Variants in CAMTA1 observed in about 807,000 individuals in gnomAD.
CAMTA1 encodes the protein calmodulin-binding transcription activator 1.
In CAMTA1, 27 loss-of-function variants were observed where a neutral mutation model predicts 170.9. That is an observed-to-expected ratio of 0.16 (90% CI 0.12 to 0.22). The LOEUF (loss-of-function observed/expected upper bound fraction) is 0.22. Among genes scored for constraint, CAMTA1 ranks in the 10% least tolerant of loss-of-function variants. The pLI is 1.00. For missense variants in CAMTA1, 1,619 were observed against 2,217.2 expected (o/e 0.73, Z 5.42); for synonymous variants, 833 against 891.5 (o/e 0.93, Z 1.17).
intron 3 of CAMTA1, among the ~76,000 whole-genome samples, chr1:6,990,389 C>T (rs1172331178): frequency 1.3e-5 from 2 of 152,118 alleles, no homozygotes; most frequent in East Asian, 1.9e-4. Context: ...GCTATATTTG[C>T]TTTATCCCAT....
chr1:7,520,923 C>G (rs1042084424), intron 6 of CAMTA1, among the ~76,000 whole-genome samples: 1 of 149,900 alleles, frequency 6.7e-6, no homozygotes, highest in African/African-American at 2.5e-5. Flanking sequence ...CACAAACACA[C>G]ACATGCACCC....
At chr1:7,756,775 G>A (rs1010260935) in intron 22 of CAMTA1, among the ~76,000 whole-genome samples, 1 of 152,174 alleles carries the variant, frequency 6.6e-6, no homozygotes, top group East Asian at 1.9e-4. Flanking sequence ...GTAAGCCTGG[G>A]AGGTTGAGGC....
chr1:7,395,240 T>G (rs546240443), intron 5 of CAMTA1, among the ~76,000 whole-genome samples: 15 of 152,284 alleles, frequency 9.9e-5, no homozygotes, highest in Admixed American at 4.6e-4. Flanking sequence ...ATCCATTTTG[T>G]TTTTTTGTAT....
chr1:7,046,973 G>A (rs1705483697), intron 3 of CAMTA1, among the ~76,000 whole-genome samples: 1 of 152,184 alleles, frequency 6.6e-6, no homozygotes, highest in Admixed American at 6.5e-5. Context: ...GCCCATGGTG[G>A]AACTCTTCCT....
intron 6 of CAMTA1, among the ~76,000 whole-genome samples, chr1:7,552,913 C>T (rs2094822506): frequency 6.6e-6 from 1 of 152,224 alleles, no homozygotes; most frequent in Admixed American, 6.5e-5. Flanking sequence ...CTCTCCTGCC[C>T]TGTCCATGTT....
At chr1:7,123,409 C>T (rs185775172) in intron 4 of CAMTA1, among the ~76,000 whole-genome samples, 3 of 152,174 alleles carry the variant, frequency 2.0e-5, no homozygotes, top group East Asian at 1.9e-4. Context: ...CTTGATCATC[C>T]GCGAAGACCC....
chr1:7,737,477 A>G lies in CAMTA1; in HGVS notation c.3565A>G (p.Ser1189Gly), dbSNP rs758033807. Reference sequence around the variant, plus strand: ...CCACTGTCCTGCAAGCGAAGAGCCCAGCACAGAGAGCTGGATGGCCCAGTG... The same window carrying G: ...CCACTGTCCTGCAAGCGAAGAGCCCGGCACAGAGAGCTGGATGGCCCAGTG... Reference protein sequence around the residue: ...RIHCPASEEPSTESWMAQWHS... With the variant: ...RIHCPASEEPGTESWMAQWHS... The change falls in exon 15 of 23, where the codon AGC (serine) becomes GGC (glycine). Residue 1189 changes from serine to glycine, a missense_variant. Around this residue, in one of 8 missense-constraint regions of CAMTA1, gnomAD observed 370 missense variants for 429.4 expected, o/e 0.86. Transcript: ENST00000303635. 1.2e-6 allele frequency: 2 copies of G among 1,614,152 alleles called. No homozygotes were observed. Among genetic ancestry groups the G allele is most frequent in the Non-Finnish European group, 1.7e-6 (2 of 1,179,980 alleles).
rs1463128775 is a variant in CAMTA1 at position 6,965,046 on chromosome 1, G to A, written c.235-126258G>A. ...TGTGCTAACAGAGAGGGAGGGTCTT[G>A]TCTGGGAGACTTGCCTGACCCTCTC... is the stretch of plus-strand genomic sequence containing the variant. On this transcript the variant is annotated intron_variant, in intron 3 of 22. Transcript: ENST00000303635. This position sits in a 1 kb window ranked among gnomAD's most constrained non-coding sequence, Gnocchi z 4.1. Among the ~76,000 whole-genome samples the A allele has an allele frequency of 1.3e-5, 2 of 152,366 alleles. No homozygotes were observed. Among genetic ancestry groups the A allele is most frequent in the Admixed American group, 6.5e-5 (1 of 15,308 alleles).
rs149799352 is a variant in CAMTA1 at position 6,983,401 on chromosome 1, C to G, written c.235-107903C>G. On this transcript the variant is annotated intron_variant, in intron 3 of 22. Coordinates refer to ENST00000303635, the MANE Select transcript of CAMTA1 (RefSeq NM_015215.4). ...CAGGGCTGTGGCACCTACTCTCCCT[C>G]TTCTTCCCCTTCCTCATCACTCTTA... is the stretch of plus-strand genomic sequence containing the variant. 5.5e-4 allele frequency among the ~76,000 whole-genome samples: 84 copies of G among 152,316 alleles called. 2 individuals are homozygous for G. Among genetic ancestry groups the G allele is most frequent in the African/African-American group, 2.0e-3 (83 of 41,566 alleles).
intron 5 of CAMTA1, among the ~76,000 whole-genome samples, chr1:7,304,487 G>T (rs1675282232): frequency 6.6e-6 from 1 of 152,078 alleles, no homozygotes; most frequent in African/African-American, 2.4e-5. Flanking sequence ...TATTTTCACA[G>T]ATATTGACAA....
intron 5 of CAMTA1, among the ~76,000 whole-genome samples, chr1:7,270,563 T>C (rs1341592513): frequency 6.6e-6 from 1 of 152,096 alleles, no homozygotes; most frequent in Non-Finnish European, 1.5e-5. Context: ...CCCAAAGTAC[T>C]GGGATTATAG....
intron 3 of CAMTA1, among the ~76,000 whole-genome samples, chr1:6,907,148 C>T (rs892898441): frequency 4.6e-5 from 7 of 152,234 alleles, no homozygotes; most frequent in Admixed American, 6.5e-5. Context: ...TCTAAAAATC[C>T]GGTGTGTGGT....
At chr1:7,129,881 A>G (rs1045096787) in intron 4 of CAMTA1, among the ~76,000 whole-genome samples, 4 of 151,490 alleles carry the variant, frequency 2.6e-5, no homozygotes, top group Non-Finnish European at 4.4e-5. Context: ...TATAAGTATG[A>G]TATCAGACAA....
chr1:7,414,753 T>G (rs1465949500), intron 5 of CAMTA1, among the ~76,000 whole-genome samples: 5 of 152,220 alleles, frequency 3.3e-5, no homozygotes, highest in East Asian at 3.9e-4. Flanking sequence ...TGTGTCTCTA[T>G]TTCCTTCAGT....
At chr1:7,559,724 G>A (rs1207181022) in intron 6 of CAMTA1, among the ~76,000 whole-genome samples, 1 of 152,064 alleles carries the variant, frequency 6.6e-6, no homozygotes, top group Non-Finnish European at 1.5e-5. Context: ...CTGAGCCCCA[G>A]GAGCTTGGCA....
At chr1:6,798,490 G>C (rs1265329599) in intron 1 of CAMTA1, among the ~76,000 whole-genome samples, 1 of 151,728 alleles carries the variant, frequency 6.6e-6, no homozygotes, top group Non-Finnish European at 1.5e-5. Context: ...CTAGAGTGCA[G>C]TGATGCAAGC....
chr1:7,434,210 C>T (rs2092274570), intron 5 of CAMTA1, among the ~76,000 whole-genome samples: 1 of 152,206 alleles, frequency 6.6e-6, no homozygotes, highest in African/African-American at 2.4e-5. Flanking sequence ...TTGCAGAACT[C>T]TCTGCTCTTT....
intron 5 of CAMTA1, among the ~76,000 whole-genome samples, chr1:7,316,544 G>T (rs1209603747): frequency 6.6e-6 from 1 of 152,206 alleles, no homozygotes; most frequent in Non-Finnish European, 1.5e-5. Context: ...ATTGTTGCTT[G>T]TACCATTCAT....
chr1:7,478,571 C>G (rs1294768213), intron 6 of CAMTA1, among the ~76,000 whole-genome samples: 4 of 152,256 alleles, frequency 2.6e-5, no homozygotes, highest in African/African-American at 9.6e-5. Context: ...ATTAATTAGT[C>G]TTATTATCCA....
Sources: allele counts gnomAD v4.1 joint callset (sites outside exome capture counted in the v4.1 genomes callset), GRCh38; gene constraint gnomAD v4.1.1; regional missense constraint gnomAD v4.1.1; non-coding constraint Gnocchi (gnomAD v3.1); transcripts MANE v1.5; gene names NCBI Gene and HGNC (gene_info 2026-07-23, HGNC 2026-07-21).